RAB5C: variants seen among roughly 807,000 people sequenced by gnomAD.
RAB5C encodes the protein RAB5C, member RAS oncogene family.
A neutral mutation model predicts 25.2 loss-of-function variants in RAB5C; 4 were observed. The ratio of observed to expected loss-of-function variants is 0.16; its 90% CI spans 0.08 to 0.36. The LOEUF (loss-of-function observed/expected upper bound fraction) is 0.36. Among genes scored for constraint, RAB5C ranks in the 10% least tolerant of loss-of-function variants. RAB5C has a pLI of 1.00. For missense variants in RAB5C, 199 were observed against 283.8 expected, an observed-to-expected ratio of 0.70 and a Z score of 2.15; for synonymous variants, 100 against 106.4, an observed-to-expected ratio of 0.94 and a Z score of 0.37.
At chr17:42,154,406 C>T (rs1433958936) in intron 1 of RAB5C, among the ~76,000 whole-genome samples, 1 of 152,160 alleles carries the variant, frequency 6.6e-6, no homozygotes, top group Admixed American at 6.5e-5. Flanking sequence ...CGGGAGCGCA[C>T]ACACACTTCT....
chr17:42,146,868 T>G (rs1401541320), intron 1 of RAB5C, among the ~76,000 whole-genome samples: 1 of 151,388 alleles, frequency 6.6e-6, no homozygotes, highest in Non-Finnish European at 1.5e-5. Flanking sequence ...TAGCCAAGCG[T>G]GGTGGCAGGA....
intron 3 of RAB5C, 49 bp from the exon 4 acceptor site, chr17:42,128,432 C>A: frequency 6.4e-7 from 1 of 1,571,596 alleles, no homozygotes; most frequent in South Asian, 1.2e-5. Flanking sequence ...GGCATTCTGC[C>A]CAGGGCCACC....
Position 42,130,350 on chromosome 17 carries a change from C to G in RAB5C, c.153G>C (p.Glu51Asp), listed in dbSNP as rs1361007763. 6.2e-7 allele frequency: 1 copy of G among 1,610,242 alleles called. No individual in the cohort carries two copies. The highest frequency in any genetic ancestry group is 8.5e-7 in the Non-Finnish European group (1 of 1,177,266). Residue 51 changes from glutamate (E) to aspartate (D), a missense_variant, in exon 2 of 6, where the codon GAG (glutamate) becomes GAC (aspartate). Glu to Asp is a conservative substitution (Grantham distance 45, BLOSUM62 2). Coordinates refer to ENST00000346213, the MANE Select transcript of RAB5C (RefSeq NM_004583.4). ...ATGCCCACTCACCTCCAATTGTGCT[C>G]TCCTGGTACTCGTGAAACTGTCCCT... ...FVKGQFHEYQ[E>D]STIGAAFLTQ...
At chr17:42,149,411 G>T (rs2079656103) in intron 1 of RAB5C, among the ~76,000 whole-genome samples, 1 of 152,006 alleles carries the variant, frequency 6.6e-6, no homozygotes. Flanking sequence ...GCAAAACCCT[G>T]TCTCTACTAA....
intron 1 of RAB5C, among the ~76,000 whole-genome samples, chr17:42,134,784 C>T (rs2054519216): frequency 6.6e-6 from 1 of 152,062 alleles, no homozygotes. Context: ...ACACTATTTT[C>T]CTATTAATAC....
Position 42,149,596 on chromosome 17 carries a change from T to A in RAB5C, c.-89+5297A>T, listed in dbSNP as rs192620665. On this transcript the variant is annotated intron_variant, in intron 1 of 5. Transcript: ENST00000346213. ...CTGTCTCAAAAATAAATAAATTAATTAATTAATTAAAGTTTCCTGTGTTAG... is the reference window on the plus strand; with the variant it reads ...CTGTCTCAAAAATAAATAAATTAATAAATTAATTAAAGTTTCCTGTGTTAG... Among the ~76,000 whole-genome samples, 619 of 152,138 alleles carry A rather than the reference T, an allele frequency of 4.1e-3. 3 individuals are homozygous for A. The highest frequency in any genetic ancestry group is 0.014 in the African/African-American group (594 of 41,502).
chr17:42,146,188 C>A (rs2079633858), intron 1 of RAB5C, among the ~76,000 whole-genome samples: 1 of 152,032 alleles, frequency 6.6e-6, no homozygotes, highest in Non-Finnish European at 1.5e-5. Context: ...GAAACTGGCA[C>A]AGCAAGAGGA....
At chr17:42,152,462 C>G (rs1211387329) in intron 1 of RAB5C, among the ~76,000 whole-genome samples, 6 of 152,132 alleles carry the variant, frequency 3.9e-5, no homozygotes, top group African/African-American at 1.4e-4. Context: ...CCTCGTCTCT[C>G]TAAATGGCAG....
At chr17:42,142,741 G>A (rs933092641) in intron 1 of RAB5C, among the ~76,000 whole-genome samples, 1 of 152,182 alleles carries the variant, frequency 6.6e-6, no homozygotes, top group African/African-American at 2.4e-5. Context: ...CATTTTCAGA[G>A]AGATGACAGT....
At chr17:42,128,008 CAG>C (rs1244203056) in intron 4 of RAB5C, among the ~76,000 whole-genome samples, 1 of 151,890 alleles carries the variant, frequency 6.6e-6, no homozygotes, top group Non-Finnish European at 1.5e-5. Flanking sequence ...TTTGCAGAGA[CAG>C]AGTCTTACTG....
intron 1 of RAB5C, 105 bp from the exon 2 acceptor site, chr17:42,130,695 T>C: frequency 7.2e-7 from 1 of 1,383,894 alleles, no homozygotes; most frequent in Non-Finnish European, 9.5e-7. Context: ...AAGACCTAGC[T>C]GACTGCTTCC....
Position 42,130,494 on chromosome 17 carries a change from A to G in RAB5C, c.9T>C (p.Gly3=). The change falls in exon 2 of 6, where the codon GGT becomes GGC. Residue 3 remains glycine (G), a synonymous_variant. Transcript: ENST00000346213. MA[G]RGGAARPNGP... ...CATTGGGTCGTGCTGCGCCTCCCCG[A>G]CCCGCCATTGCCCGTCCAGCTGTAG... 6.2e-7 allele frequency: 1 copy of G among 1,613,242 alleles called. No individual in the cohort carries two copies. The highest frequency in any genetic ancestry group is 8.5e-7 in the Non-Finnish European group (1 of 1,179,856).
At chr17:42,135,215 C>T (rs1312667330) in intron 1 of RAB5C, among the ~76,000 whole-genome samples, 1 of 151,454 alleles carries the variant, frequency 6.6e-6, no homozygotes, top group Non-Finnish European at 1.5e-5. Flanking sequence ...AAACTCCTGC[C>T]TCAACCTCCA....
rs190869316 is a variant in RAB5C, at chr17:42,128,502, C to T, written c.319-119G>A. 8,540 of 1,460,202 alleles carry T rather than the reference C, an allele frequency of 5.8e-3. 40 individuals are homozygous for T. Among genetic ancestry groups the T allele is most frequent in the Non-Finnish European group, 6.9e-3 (7,504 of 1,092,708 alleles). 90.5% of individuals were successfully genotyped at this position (1,460,202 alleles called of 1,614,324 possible). A position where few individuals can be genotyped will look rare whatever the true frequency, so the allele number is the denominator to read the frequency against. On this transcript the variant is annotated intron_variant, in intron 3 of 5. Coordinates refer to ENST00000346213, the MANE Select transcript of RAB5C (RefSeq NM_004583.4). ...TCTAAGACATTGCCACCTAAAGATT[C>T]TGATGCAATGTCCCCAAACAGGAAA...
intron 1 of RAB5C, among the ~76,000 whole-genome samples, chr17:42,147,251 C>CA (rs1400881420): frequency 2.0e-5 from 3 of 152,232 alleles, no homozygotes; most frequent in African/African-American, 4.8e-5. Context: ...TTAAAGACCC[C>CA]ATCTGTGGAA....
chr17:42,153,771 C>G (rs2079687392), intron 1 of RAB5C, among the ~76,000 whole-genome samples: 1 of 152,184 alleles, frequency 6.6e-6, no homozygotes, highest in Admixed American at 6.6e-5. Context: ...AAGCCCCAAG[C>G]AACAGACAAG....
rs1419485820 is a variant in RAB5C, at chr17:42,140,189, G to A, written c.-88-9599C>T. On this transcript the variant is annotated intron_variant, in intron 1 of 5. Transcript: ENST00000346213. ...TGTTCATCCAGCCACTCACACCAGC[G>A]GACACCTCTCCAAAACCCTTCCCGC... 1.3e-4 allele frequency among the ~76,000 whole-genome samples: 20 copies of A among 151,924 alleles called. 1 individual carries two copies. The highest frequency in any genetic ancestry group is 1.2e-3 in the Admixed American group (19 of 15,216).
chr17:42,139,907 G>A lies in RAB5C; in HGVS notation c.-88-9317C>T, dbSNP rs374064367. ...AATGCCAGGCAGGATGCTAGGAAGAGTGCCATCCAAGGCAAAGGTTCTTCT... is the reference window on the plus strand; with the variant it reads ...AATGCCAGGCAGGATGCTAGGAAGAATGCCATCCAAGGCAAAGGTTCTTCT... On this transcript the variant is annotated intron_variant, in intron 1 of 5. Coordinates refer to ENST00000346213, the MANE Select transcript of RAB5C (RefSeq NM_004583.4). Among the ~76,000 whole-genome samples, 7 of 152,214 alleles carry A rather than the reference G, an allele frequency of 4.6e-5. No individual in the cohort carries two copies. In the East Asian group the frequency reaches 9.6e-4, roughly 21 times the overall value.
intron 1 of RAB5C, among the ~76,000 whole-genome samples, chr17:42,141,700 G>A (rs2079604131): frequency 6.6e-6 from 1 of 152,014 alleles, no homozygotes; most frequent in Non-Finnish European, 1.5e-5. Flanking sequence ...CACTTACTAG[G>A]GTGGCCTGGT....
Sources: gnomAD v4.1 joint callset for allele counts (sites outside exome capture counted in the v4.1 genomes callset) on GRCh38, gnomAD v4.1.1 for gene constraint, MANE v1.5 for transcripts, NCBI Gene and HGNC (gene_info 2026-07-23, HGNC 2026-07-21) for gene names.